STPG2: variants seen among roughly 807,000 people sequenced by gnomAD.
STPG2 encodes sperm tail PG-rich repeat containing 2, also known as sperm-tail PG-rich repeat-containing protein 2.
In STPG2, 56 loss-of-function variants were observed where a neutral mutation model predicts 54.2. The observed-to-expected ratio is 1.03, with a 90% confidence interval of 0.83 to 1.29. STPG2 has a LOEUF of 1.29. STPG2 is among the 50% of genes most tolerant of loss of function. The probability of loss-of-function intolerance (pLI) is 0.00; values close to 1 mark genes in which losing one functional copy is unlikely to be tolerated. For missense variants in STPG2, 596 were observed against 544.9 expected (o/e 1.09, Z -0.93); for synonymous variants, 200 against 181.8 (o/e 1.10, Z -0.81).
At chr4:97,577,856 A>G (rs1374673426) in intron 10 of STPG2, among the ~76,000 whole-genome samples, 1 of 152,196 alleles carries the variant, frequency 6.6e-6, no homozygotes, top group Non-Finnish European at 1.5e-5. Flanking sequence ...TGTTAATTTC[A>G]ACAATAACTG....
chr4:97,890,939 G>A (rs1414083171), intron 8 of STPG2, among the ~76,000 whole-genome samples: 1 of 151,558 alleles, frequency 6.6e-6, no homozygotes, highest in Non-Finnish European at 1.5e-5. Flanking sequence ...GTTTTTCATA[G>A]AAATAAGTCA....
At chr4:97,675,151 G>C (rs529172954) in intron 10 of STPG2, among the ~76,000 whole-genome samples, 13 of 152,140 alleles carry the variant, frequency 8.5e-5, no homozygotes, top group African/African-American at 2.9e-4. Flanking sequence ...TTACAGGCAT[G>C]CACCACAATG....
chr4:97,578,478 A>G (rs1293530259), intron 10 of STPG2, among the ~76,000 whole-genome samples: 1 of 152,124 alleles, frequency 6.6e-6, no homozygotes, highest in Non-Finnish European at 1.5e-5. Flanking sequence ...TGAGCCCTTA[A>G]TCCATGGAAT....
rs564181064 is a variant in STPG2, at chr4:97,568,862, T to A, written c.1321-9745A>T. ...AGCCCTGGCCAAATGTGAATGAACA[T>A]TAATTTCTTTTCTTTTCTTTCTTTT... On this transcript the variant is annotated intron_variant, in intron 10 of 10. Transcript: ENST00000295268. Among the ~76,000 whole-genome samples the A allele has an allele frequency of 3.3e-5, 5 of 151,960 alleles. No individual in the cohort carries two copies. In the South Asian group the frequency reaches 1.0e-3, roughly 32 times the overall value.
At chr4:97,500,759 G>T (rs892263606) in intron 4 of STPG2, among the ~76,000 whole-genome samples, 1 of 152,000 alleles carries the variant, frequency 6.6e-6, no homozygotes, top group South Asian at 2.1e-4. Flanking sequence ...TGAGGACCGA[G>T]AATTGACCAC....
intron 4 of STPG2, among the ~76,000 whole-genome samples, chr4:97,510,007 G>A (rs1290599003): frequency 6.6e-6 from 1 of 151,932 alleles, no homozygotes; most frequent in Non-Finnish European, 1.5e-5. Context: ...CTGACACCTG[G>A]TGCCAAAAGA....
At chr4:97,774,391 T>C (rs908340575) in intron 9 of STPG2, among the ~76,000 whole-genome samples, 3 of 152,192 alleles carry the variant, frequency 2.0e-5, no homozygotes, top group African/African-American at 7.2e-5. Flanking sequence ...ACCATTTTAT[T>C]TTCTTCAGCC....
chr4:97,948,583 G>A (rs1578721932), intron 7 of STPG2, among the ~76,000 whole-genome samples: 1 of 152,106 alleles, frequency 6.6e-6, no homozygotes, highest in South Asian at 2.1e-4. Context: ...CACTGCATTT[G>A]CTGTATCCCA....
Position 97,778,506 on chromosome 4 carries a change from G to A in STPG2, c.1204+62267C>T, listed in dbSNP as rs554874600. Among the ~76,000 whole-genome samples, 176 of 152,262 alleles carry A rather than the reference G, an allele frequency of 1.2e-3. 1 individual carries two copies. Among genetic ancestry groups the A allele is most frequent in the Non-Finnish European group, 1.9e-3 (128 of 68,034 alleles). On this transcript the variant is annotated intron_variant, in intron 9 of 10. Coordinates refer to ENST00000295268, the MANE Select transcript of STPG2 (RefSeq NM_174952.3). ...GCCTCTGTAGACTCCACCTCTACGG[G>A]CAGGGCATAGCTGAACAAAAGGCAG...
At chr4:97,977,203 C>T (rs149512646) in intron 6 of STPG2, among the ~76,000 whole-genome samples, 4 of 152,226 alleles carry the variant, frequency 2.6e-5, no homozygotes, top group African/African-American at 7.2e-5. Context: ...ACACAAAGAT[C>T]GCATGACTAT....
intron 8 of STPG2, among the ~76,000 whole-genome samples, chr4:97,904,046 C>T (rs948744975): frequency 6.6e-6 from 1 of 152,230 alleles, no homozygotes; most frequent in Non-Finnish European, 1.5e-5. Context: ...ATTGCCCAGG[C>T]TTGCTTAGGT....
chr4:98,126,524 G>A (rs532615804), intron 3 of STPG2, among the ~76,000 whole-genome samples: 136 of 152,312 alleles, frequency 8.9e-4, no homozygotes, highest in African/African-American at 3.1e-3. Context: ...GCAGCTCCCA[G>A]GTGGGCCATC....
chr4:97,560,066 TAA>T (rs1433793336), intron 10 of STPG2, among the ~76,000 whole-genome samples: 3 of 152,160 alleles, frequency 2.0e-5, no homozygotes, highest in African/African-American at 7.2e-5. Context: ...GATCAGGCCT[TAA>T]TATCTGATAT....
chr4:97,480,293 T>G (rs1162641114), intron 4 of STPG2, among the ~76,000 whole-genome samples: 1 of 151,636 alleles, frequency 6.6e-6, no homozygotes, highest in African/African-American at 2.4e-5. Flanking sequence ...TGAATATCAT[T>G]TAAAAGTCTT....
At chr4:97,939,924 C>T (rs1190685577) in intron 8 of STPG2, among the ~76,000 whole-genome samples, 2 of 152,096 alleles carry the variant, frequency 1.3e-5, no homozygotes, top group East Asian at 3.9e-4. Flanking sequence ...AAATGTGTTT[C>T]ATATTAGCTG....
Position 97,974,862 on chromosome 4 carries a change from C to A in STPG2, c.773-2422G>T, listed in dbSNP as rs1057431742. Reference sequence around the variant, plus strand: ...TACACTTGCCATATGACCAGAAATTCTATTTCTAGGTATTTTCCCAAAAGA... The same window carrying A: ...TACACTTGCCATATGACCAGAAATTATATTTCTAGGTATTTTCCCAAAAGA... On this transcript the variant is annotated intron_variant, in intron 6 of 10. Coordinates refer to ENST00000295268, the MANE Select transcript of STPG2 (RefSeq NM_174952.3). Among the ~76,000 whole-genome samples the A allele has an allele frequency of 1.8e-4, 27 of 152,246 alleles. 1 individual carries two copies. The highest frequency in any genetic ancestry group is 3.4e-3 in the Middle Eastern group (1 of 294).
chr4:97,914,663 G>A (rs1731806950), intron 8 of STPG2, among the ~76,000 whole-genome samples: 6 of 152,092 alleles, frequency 3.9e-5, no homozygotes, highest in Admixed American at 3.9e-4. Flanking sequence ...AAATTCTTGA[G>A]ACCAGAAGTG....
At chr4:97,610,645 G>A (rs564543820) in intron 10 of STPG2, among the ~76,000 whole-genome samples, 3 of 152,086 alleles carry the variant, frequency 2.0e-5, no homozygotes, top group East Asian at 1.9e-4. Flanking sequence ...CAGGAGATCC[G>A]GCACCAGTCC....
chr4:98,020,668 A>G (rs1347345090), intron 5 of STPG2, among the ~76,000 whole-genome samples: 5 of 152,036 alleles, frequency 3.3e-5, no homozygotes, highest in Non-Finnish European at 7.4e-5. Flanking sequence ...TTGGTTGGTA[A>G]GCTACTGATT....
Sources: gnomAD v4.1 joint callset for allele counts (sites outside exome capture counted in the v4.1 genomes callset) on GRCh38, gnomAD v4.1.1 for gene constraint, MANE v1.5 for transcripts, NCBI Gene and HGNC (gene_info 2026-07-23, HGNC 2026-07-21) for gene names.